The following CLIC2 variants were observed in gnomAD, a reference collection of about 807,000 sequenced individuals.
The protein encoded by CLIC2 is CLIC family member 2.
In CLIC2, 9 loss-of-function variants were observed where a neutral mutation model predicts 14.8. The observed-to-expected ratio is 0.61, with a 90% confidence interval of 0.37 to 1.06. CLIC2 has a LOEUF of 1.06. Among genes scored for constraint, CLIC2 ranks in the 50% least tolerant of loss-of-function variants. CLIC2 has a pLI of 0.01. For synonymous variants in CLIC2, 61 were observed against 66.3 expected, an observed-to-expected ratio of 0.92 and a Z score of 0.39; for missense variants, 148 against 181.4, an observed-to-expected ratio of 0.82 and a Z score of 1.06.
chrX:155,311,915 G>A (rs1348740503), intron 1 of CLIC2, among the ~76,000 whole-genome samples: 1 of 111,192 alleles, frequency 9.0e-6, no homozygotes, highest in Admixed American at 9.5e-5. Context: ...AGAACAGTAT[G>A]GGGGAAACTG....
At chrX:155,313,197 C>CAAAAAAA (rs59429236) in intron 1 of CLIC2, among the ~76,000 whole-genome samples, 10 of 32,687 alleles carry the variant, frequency 3.1e-4, no homozygotes, top group Admixed American at 4.3e-4. Context: ...ATAAATAAGG[C>CAAAAAAA]AAAAAAAAAA....
At chrX:155,300,396 T>C (rs1359102105) in intron 1 of CLIC2, among the ~76,000 whole-genome samples, 1 of 111,445 alleles carries the variant, frequency 9.0e-6, no homozygotes, top group Non-Finnish European at 1.9e-5. Flanking sequence ...TGTCTGTTCA[T>C]GTCCTTTGCC....
rs782270791 is a variant in CLIC2 at position 155,298,866 on chromosome X, G to A, written c.212C>T (p.Pro71Leu). 4.1e-6 allele frequency: 5 copies of A among 1,205,625 alleles called. No homozygotes were observed. The highest frequency in any genetic ancestry group is 1.7e-5 in the African/African-American group (1 of 57,665). The change falls in exon 3 of 6, where the codon CCG becomes CTG. Residue 71 changes from proline (P) to leucine (L), a missense_variant. By Grantham distance (98) the Pro-to-Leu change is moderately conservative. Transcript: ENST00000369449. ...LKDLAPGTNP[P>L]FLVYNKELKT... is the part of the protein sequence containing the mutation. ...CAACTCCTTGTTATACACCAGGAAC[G>A]GAGGATTGGTACCTGGGGCTAAGTC...
intron 1 of CLIC2, among the ~76,000 whole-genome samples, chrX:155,317,841 A>G (rs1195807505): frequency 8.9e-6 from 1 of 112,246 alleles, no homozygotes; most frequent in Non-Finnish European, 1.9e-5. Flanking sequence ...ACAGCATATC[A>G]AAAAGATAAT....
rs1377722844 is a variant in CLIC2, at chrX:155,276,370, T to C, written c.*1533A>G. On this transcript the variant is annotated 3_prime_UTR_variant, in exon 6 of 6. Coordinates refer to ENST00000369449, the MANE Select transcript of CLIC2 (RefSeq NM_001289.6). ...ACTATAAACATTTGTTATTTCTTTG[T>C]GGTGACATTTAAAAACCTGCTTTTC... 1 of 112,272 alleles carries C rather than the reference T, an allele frequency of 8.9e-6. No homozygotes were observed. Among genetic ancestry groups the C allele is most frequent in the Non-Finnish European group, 1.9e-5 (1 of 53,171 alleles). 9.3% of individuals were successfully genotyped at this position (112,272 alleles called of 1,213,427 possible).
chrX:155,319,064 A>C (rs1557321320), intron 1 of CLIC2, among the ~76,000 whole-genome samples: 1 of 112,318 alleles, frequency 8.9e-6, no homozygotes, highest in Admixed American at 9.4e-5. Context: ...ATAATTCAAG[A>C]TGAATCAAAG....
chrX:155,304,073 T>G (rs1278004208), intron 1 of CLIC2, among the ~76,000 whole-genome samples: 2 of 106,134 alleles, frequency 1.9e-5, no homozygotes, highest in African/African-American at 3.5e-5. Context: ...AGTTGCTCTT[T>G]TCGAGGAGTA....
chrX:155,322,508 G>C (rs1261694152), intron 1 of CLIC2, among the ~76,000 whole-genome samples: 2 of 111,740 alleles, frequency 1.8e-5, no homozygotes, highest in African/African-American at 6.5e-5. Flanking sequence ...AAACTAATGA[G>C]AACAAAGACA....
chrX:155,317,473 C>T (rs945484935), intron 1 of CLIC2, among the ~76,000 whole-genome samples: 2 of 111,244 alleles, frequency 1.8e-5, no homozygotes, highest in African/African-American at 6.5e-5. Context: ...AGGATAAATT[C>T]CTGGAAATAC....
At chrX:155,302,136 A>G (rs1229108792) in intron 1 of CLIC2, among the ~76,000 whole-genome samples, 1 of 106,588 alleles carries the variant, frequency 9.4e-6, no homozygotes, top group Non-Finnish European at 1.9e-5. Context: ...ATTGATTGGA[A>G]GAGTTTCAGA....
chrX:155,302,467 T>C (rs1480896431), intron 1 of CLIC2, among the ~76,000 whole-genome samples: 2 of 107,022 alleles, frequency 1.9e-5, no homozygotes, highest in African/African-American at 3.4e-5. Flanking sequence ...GATTCTTCTC[T>C]CTTTTTTTCT....
chrX:155,319,663 G>T (rs1336557718), intron 1 of CLIC2, among the ~76,000 whole-genome samples: 1 of 108,557 alleles, frequency 9.2e-6, no homozygotes, highest in African/African-American at 3.3e-5. Context: ...AGCTGCAGGA[G>T]TTTTTTTTTT....
At chrX:155,292,518 C>T (rs1265326725) in intron 3 of CLIC2, 10 of 545,174 alleles carry the variant, frequency 1.8e-5, no homozygotes, top group Non-Finnish European at 2.9e-5. Context: ...TGCCTGTAAT[C>T]CCAGCACTTT....
At chrX:155,296,331 C>T (rs973299617) in intron 3 of CLIC2, among the ~76,000 whole-genome samples, 4 of 111,645 alleles carry the variant, frequency 3.6e-5, no homozygotes, top group Non-Finnish European at 7.5e-5. Context: ...AAACTTGATC[C>T]TTATCTCTCA....
chrX:155,298,987 A>G, intron 2 of CLIC2, 49 bp downstream of exon 2: 1 of 1,148,686 alleles, frequency 8.7e-7, no homozygotes, highest in Non-Finnish European at 1.2e-6. Flanking sequence ...TTTTATTGGT[A>G]TCTACCAATC....
Position 155,300,636 on chromosome X carries a change from A to G in CLIC2, c.58-1491T>C, listed in dbSNP as rs1194132384. 2.8e-5 allele frequency among the ~76,000 whole-genome samples: 3 copies of G among 108,752 alleles called. No individual in the cohort carries two copies. The East Asian group carries it at 8.7e-4, about 31-fold the overall frequency. 94.4% of individuals were successfully genotyped at this position (108,752 alleles called of 115,157 possible). A position where few individuals can be genotyped will look rare whatever the true frequency, so the allele number is the denominator to read the frequency against. On this transcript the variant is annotated intron_variant, in intron 1 of 5. Coordinates refer to ENST00000369449, the MANE Select transcript of CLIC2 (RefSeq NM_001289.6). ...GTTGCCATTGCTTTTGGTGTTTTAG[A>G]CACGAAGTCCTTGCCCATGCCTATG...
intron 1 of CLIC2, among the ~76,000 whole-genome samples, chrX:155,306,357 A>C (rs1209760921): frequency 9.0e-6 from 1 of 111,425 alleles, no homozygotes; most frequent in African/African-American, 3.3e-5. Context: ...CTCCCTCTTC[A>C]CTTTCCACCA....
intron 1 of CLIC2, among the ~76,000 whole-genome samples, chrX:155,304,935 G>A (rs1485408729): frequency 8.6e-5 from 9 of 105,241 alleles, no homozygotes; most frequent in Non-Finnish European, 1.6e-4. Flanking sequence ...CAGTCTGCCC[G>A]TTCTCAGATC....
At chrX:155,302,157 C>G (rs1442201287) in intron 1 of CLIC2, among the ~76,000 whole-genome samples, 1 of 107,092 alleles carries the variant, frequency 9.3e-6, no homozygotes, top group Non-Finnish European at 1.9e-5. Flanking sequence ...AGGAATGGTA[C>G]CAGTTCCTCC....
Sources: allele counts gnomAD v4.1 joint callset (sites outside exome capture counted in the v4.1 genomes callset), GRCh38; gene constraint gnomAD v4.1.1; transcripts MANE v1.5; gene names NCBI Gene and HGNC (gene_info 2026-07-23, HGNC 2026-07-21).